The following COX15 variants were observed in gnomAD, a reference collection of about 807,000 sequenced individuals.
The protein encoded by COX15 is heme A synthase COX15.
COX15 carries 51 observed loss-of-function variants against 51.9 expected under a neutral mutation model. That is an observed-to-expected ratio of 0.98 (90% confidence interval 0.78 to 1.24). The LOEUF (loss-of-function observed/expected upper bound fraction) is 1.24. COX15 is among the 50% of genes most tolerant of loss of function. The pLI is 0.00. For missense variants in COX15, 420 were observed against 501.1 expected (o/e 0.84, Z 1.55); for synonymous variants, 188 against 190.5 (o/e 0.99, Z 0.11).
chr10:99,729,631 G>A lies in COX15; in HGVS notation c.194C>T (p.Ala65Val), dbSNP rs1384688526. 1 of 1,613,896 alleles carries A rather than the reference G, an allele frequency of 6.2e-7. No individual in the cohort carries two copies. The highest frequency in any genetic ancestry group is 1.3e-5 in the African/African-American group (1 of 74,902). ...GAGCCATCGGCCCACCACCCGCTCA[G>A]CAGCCTTTGAGGGAAGGGACACTGT... is the stretch of plus-strand genomic sequence containing the variant. ...RGTVSLPSKA[A>V]ERVVGRWLLV... Residue 65 changes from alanine (A) to valine (V), a missense_variant, in exon 2 of 9, where the codon GCT becomes GTT. Coordinates refer to ENST00000016171, the MANE Select transcript of COX15 (RefSeq NM_078470.6).
rs1423085742 is a variant in COX15, at chr10:99,712,582, G to A, written c.*2005C>T. ...TTGTATTGTCACTGTATGGAATCTA[G>A]GTATATCCAAGGAAAAATAAACTTA... On this transcript the variant is annotated 3_prime_UTR_variant, in exon 9 of 9. Transcript: ENST00000016171. 2 of 984,300 alleles carry A rather than the reference G, an allele frequency of 2.0e-6. No homozygotes were observed. Among genetic ancestry groups the A allele is most frequent in the Non-Finnish European group, 2.4e-6 (2 of 829,070 alleles). The allele number at this position is 984,300 out of a possible 1,614,324, so 61.0% of individuals were successfully genotyped here. A position where few individuals can be genotyped will look rare whatever the true frequency, so the allele number is the denominator to read the frequency against.
chr10:99,720,876 A>G, intron 6 of COX15, 111 bp downstream of exon 6: 1 of 834,364 alleles, frequency 1.2e-6, no homozygotes, highest in Non-Finnish European at 2.0e-6. Context: ...TGAGAGAAAC[A>G]GATGTGAAAA....
chr10:99,700,997 G>A, the COX15 span: 3 of 1,614,076 alleles, frequency 1.9e-6, no homozygotes, highest in Non-Finnish European at 2.5e-6. Flanking sequence ...GGCTTGGTCG[G>A]TACTAACTCA....
rs573862490 is a variant in COX15 at position 99,714,419 on chromosome 10, A to G, written c.*168T>C. Reference sequence around the variant, plus strand: ...CATTTAGGGTAACCACACTTAATGCATTCTTGATCCAGTGACTATCTCAAA... The same window carrying G: ...CATTTAGGGTAACCACACTTAATGCGTTCTTGATCCAGTGACTATCTCAAA... On this transcript the variant is annotated 3_prime_UTR_variant, in exon 9 of 9. Transcript: ENST00000016171. 35 of 1,486,656 alleles carry G rather than the reference A, an allele frequency of 2.4e-5. No homozygotes were observed. The South Asian group carries it at 4.4e-4, about 19-fold the overall frequency. 92.1% of individuals were successfully genotyped at this position (1,486,656 alleles called of 1,614,324 possible). A position where few individuals can be genotyped will look rare whatever the true frequency, so the allele number is the denominator to read the frequency against.
At chr10:99,695,309 G>A in the COX15 span, among the ~76,000 whole-genome samples, 1 of 152,054 alleles carries the variant, frequency 6.6e-6, no homozygotes, top group African/African-American at 2.4e-5. Flanking sequence ...CTGATCATGA[G>A]GTCAAGAGAT....
downstream of COX15, among the ~76,000 whole-genome samples, chr10:99,708,198 C>T (rs1368501359): frequency 1.3e-5 from 2 of 152,126 alleles, no homozygotes; most frequent in South Asian, 2.1e-4. Flanking sequence ...CCTTTAACTT[C>T]AAGATCATAT....
At position 99,711,510 on chromosome 10, in the gene COX15, A is replaced by C. The variant is rs1350332699; in HGVS notation, c.*3077T>G. On this transcript the variant is annotated 3_prime_UTR_variant, in exon 9 of 9. Coordinates refer to ENST00000016171, the MANE Select transcript of COX15 (RefSeq NM_078470.6). ...ATGATAAGGTGGGGTGGAAATTAGA[A>C]GGGAATGGGAATAAGCTAGTCAGAA... is the stretch of plus-strand genomic sequence containing the variant. The C allele has an allele frequency of 1.6e-5, 16 of 985,348 alleles. No homozygotes were observed. Among genetic ancestry groups the C allele is most frequent in the Non-Finnish European group, 1.8e-5 (15 of 829,952 alleles). The allele number at this position is 985,348 out of a possible 1,614,324, so 61.0% of individuals were successfully genotyped here.
At chr10:99,699,407 T>C in the COX15 span, among the ~76,000 whole-genome samples, 2 of 152,336 alleles carry the variant, frequency 1.3e-5, no homozygotes, top group African/African-American at 4.8e-5. Flanking sequence ...TGAGCATATA[T>C]AGGACTTAAG....
intron 7 of COX15, 21 bp from the exon 8 acceptor site, chr10:99,716,482 A>C: frequency 6.5e-7 from 1 of 1,528,304 alleles, no homozygotes. Flanking sequence ...GAAAGAGTCT[A>C]TCACATTAGA....
chr10:99,726,942 G>T, intron 4 of COX15, 26 bp downstream of exon 4: 1 of 1,602,606 alleles, frequency 6.2e-7, no homozygotes. Context: ...AGCATTTCTG[G>T]TTTCTCAACC....
At chr10:99,718,639 A>C in intron 6 of COX15, 139 bp from the exon 7 acceptor site, 1 of 877,668 alleles carries the variant, frequency 1.1e-6, no homozygotes, top group African/African-American at 1.7e-5. Flanking sequence ...CTGCAACAGG[A>C]GTTCTCCAAC....
chr10:99,726,874 C>T lies in COX15; in HGVS notation c.582+94G>A, dbSNP rs527474341. On this transcript the variant is annotated intron_variant, in intron 4 of 8. Coordinates refer to ENST00000016171, the MANE Select transcript of COX15 (RefSeq NM_078470.6). ...CTGCACTCCAGCCTGGGCGACACAGCGAGACTCCGTCTCAAAAAAAAAAAA... is the reference window on the plus strand; with the variant it reads ...CTGCACTCCAGCCTGGGCGACACAGTGAGACTCCGTCTCAAAAAAAAAAAA... 207 of 1,269,688 alleles carry T rather than the reference C, an allele frequency of 1.6e-4. 2 individuals carry two copies. The Admixed American group carries it at 4.7e-3, about 29-fold the overall frequency. 78.7% of individuals were successfully genotyped at this position (1,269,688 alleles called of 1,614,324 possible).
the COX15 span, among the ~76,000 whole-genome samples, chr10:99,703,070 C>G: frequency 1.3e-5 from 2 of 152,224 alleles, no homozygotes; most frequent in South Asian, 4.1e-4. Flanking sequence ...CTAGAGCAAT[C>G]TTTCATAACA....
At position 99,714,115 on chromosome 10, in the gene COX15, CTTT is replaced by C. The variant is rs765618742; in HGVS notation, c.*469_*471del. 6.1e-6 allele frequency: 5 copies of C among 821,246 alleles called. No homozygotes were observed. Among genetic ancestry groups the C allele is most frequent in the East Asian group, 1.1e-4 (1 of 9,440 alleles). 50.9% of individuals were successfully genotyped at this position (821,246 alleles called of 1,614,324 possible). On this transcript the variant is annotated 3_prime_UTR_variant, in exon 9 of 9. Coordinates refer to ENST00000016171, the MANE Select transcript of COX15 (RefSeq NM_078470.6). ...AAATCAGGATATTAGAAGACATTAG[CTTT>C]TTTTTTTTTGCTGAAGACCAGCTGG...
In COX15 at chr10:99,719,799, AT is replaced by A. The variant is rs376347824; in HGVS notation, c.832+1187del. Among the ~76,000 whole-genome samples, 475 of 152,072 alleles carry A rather than the reference AT, an allele frequency of 3.1e-3. 2 individuals carry two copies. Among genetic ancestry groups the A allele is most frequent in the African/African-American group, 0.01 (425 of 41,508 alleles). ...AGCCACCATGCCCAACCCACTCCAT[AT>A]TTTTTTTAAATGTCCCTTATGAAGT... On this transcript the variant is annotated intron_variant, in intron 6 of 8. Transcript: ENST00000016171.
downstream of COX15, chr10:99,709,937 A>G: frequency 1.0e-6 from 1 of 985,388 alleles, no homozygotes; most frequent in South Asian, 4.7e-5. Flanking sequence ...CTGAATCATT[A>G]CTCATACTAC....
At chr10:99,717,527 A>T (rs1183130597) in intron 7 of COX15, among the ~76,000 whole-genome samples, 1 of 151,906 alleles carries the variant, frequency 6.6e-6, no homozygotes, top group South Asian at 2.1e-4. Context: ...TTTTTAAATT[A>T]AATTTAATTT....
At chr10:99,701,905 G>A in the COX15 span, among the ~76,000 whole-genome samples, 7 of 151,868 alleles carry the variant, frequency 4.6e-5, no homozygotes, top group Non-Finnish European at 7.4e-5. Context: ...AAAATTAGCA[G>A]GGTTTGGTGG....
At chr10:99,725,592 C>G (rs543787628) in intron 4 of COX15, among the ~76,000 whole-genome samples, 10 of 152,196 alleles carry the variant, frequency 6.6e-5, no homozygotes, top group Non-Finnish European at 1.0e-4. Context: ...GAGTCTTGCT[C>G]TGTTGCCCAG....
Sources: allele counts gnomAD v4.1 joint callset (sites outside exome capture counted in the v4.1 genomes callset), GRCh38; gene constraint gnomAD v4.1.1; transcripts MANE v1.5; gene names NCBI Gene and HGNC (gene_info 2026-07-23, HGNC 2026-07-21).